Variants in ASPSCR1 observed in about 807,000 individuals in gnomAD.
ASPSCR1 encodes ASPSCR1 tether for SLC2A4, UBX domain containing, also known as tether containing UBX domain for GLUT4.
In ASPSCR1, 55 loss-of-function variants were observed where a neutral mutation model predicts 68.9. The observed-to-expected ratio is 0.80, with a 90% CI of 0.64 to 1.00. The LOEUF (loss-of-function observed/expected upper bound fraction) is 1.00, where lower values mean the gene tolerates loss of function less well. ASPSCR1 is among the 50% of genes least tolerant of loss of function. The pLI is 0.00. For missense variants in ASPSCR1, 765 were observed against 762.2 expected, an observed-to-expected ratio of 1.00 and a Z score of -0.04; for synonymous variants, 352 against 332.6, an observed-to-expected ratio of 1.06 and a Z score of -0.63.
At chr17:82,011,423 G>A (rs2042937315) in intron 10 of ASPSCR1, 120 bp from the exon 11 acceptor site, 9 of 966,638 alleles carry the variant, frequency 9.3e-6, no homozygotes, top group South Asian at 8.3e-5. Flanking sequence ...GAGGAACAGG[G>A]CTGAATTCCC....
chr17:81,985,327 A>C (rs1157564701), intron 3 of ASPSCR1, among the ~76,000 whole-genome samples, 180 bp from the exon 4 acceptor site: 1 of 152,138 alleles, frequency 6.6e-6, no homozygotes, highest in African/African-American at 2.4e-5. Flanking sequence ...CCTGCCGGGG[A>C]GCCTCCAAGG....
chr17:81,993,721 C>T lies in ASPSCR1; in HGVS notation c.375-1100C>T, dbSNP rs74402017. Among the ~76,000 whole-genome samples the T allele has an allele frequency of 8.0e-4, 122 of 152,394 alleles. 1 individual carries two copies. The East Asian group carries it at 0.017, about 21-fold the overall frequency. On this transcript the variant is annotated intron_variant, in intron 4 of 15. Coordinates refer to ENST00000306739, the MANE Select transcript of ASPSCR1 (RefSeq NM_024083.4). ...GCCCTCTGACCCTCCCAGTACCCCC[C>T]ATCCCGGAGGGTTGCTGCAAGCAGT...
In ASPSCR1 at chr17:81,983,107, A is replaced by G. The variant is rs573809119; in HGVS notation, c.159-447A>G. ...TGATCCGCCTGCCTCGGCCTCCGAA[A>G]GTGCTGGGATTACAGGCGTGAGCCA... is the stretch of plus-strand genomic sequence containing the variant. On this transcript the variant is annotated intron_variant, in intron 2 of 15. Transcript: ENST00000306739. This position sits in a 1 kb window ranked among gnomAD's most constrained non-coding sequence, Gnocchi z 4.4. Among the ~76,000 whole-genome samples, 3 of 152,342 alleles carry G rather than the reference A, an allele frequency of 2.0e-5. No individual in the cohort carries two copies. The East Asian group carries it at 5.8e-4, about 29-fold the overall frequency.
chr17:82,006,236 G>A (rs1385046787), intron 7 of ASPSCR1: 1 of 151,148 alleles, frequency 6.6e-6, no homozygotes, highest in Non-Finnish European at 1.5e-5. Flanking sequence ...GTGTGTCCTT[G>A]CGGGTGCATG....
chr17:81,980,055 T>A (rs2041748765), intron 2 of ASPSCR1, among the ~76,000 whole-genome samples: 1 of 152,238 alleles, frequency 6.6e-6, no homozygotes, highest in South Asian at 2.1e-4. Context: ...CGGTCTTGGC[T>A]CACTGCAACC....
At position 81,983,473 on chromosome 17, in the gene ASPSCR1, T is replaced by C. The variant is rs879048795; in HGVS notation, c.159-81T>C. 17 of 1,021,998 alleles carry C rather than the reference T, an allele frequency of 1.7e-5. No individual in the cohort carries two copies. In the African/African-American group the frequency reaches 2.4e-4, roughly 14 times the overall value. 63.3% of individuals were successfully genotyped at this position (1,021,998 alleles called of 1,614,324 possible). ...GGCGTGGATGGCGGGGCGTGGATGG[T>C]GGGACGGGGATGGCGGGGCGTGGAT... On this transcript the variant is annotated intron_variant, in intron 2 of 15. Transcript: ENST00000306739. This position sits in a 1 kb window ranked among gnomAD's most constrained non-coding sequence, Gnocchi z 4.4.
At chr17:82,017,160 C>T (rs764170532) in intron 15 of ASPSCR1, 47 bp downstream of exon 15, 14 of 1,536,656 alleles carry the variant, frequency 9.1e-6, no homozygotes, top group South Asian at 2.3e-5. Flanking sequence ...GGGTGGAGGG[C>T]GGGGGTCCGG....
At chr17:82,011,728 C>G in intron 11 of ASPSCR1, 123 bp downstream of exon 11, 1 of 1,087,188 alleles carries the variant, frequency 9.2e-7, no homozygotes, top group Non-Finnish European at 1.3e-6. Flanking sequence ...TCTGTGGCCT[C>G]CCGCCCAGGT....
intron 12 of ASPSCR1, chr17:82,014,088 C>T (rs994405706): frequency 3.9e-5 from 6 of 152,244 alleles, no homozygotes; most frequent in South Asian, 2.1e-4. Context: ...CTCTGGGGAC[C>T]GTCTGCCAGG....
Position 81,977,656 on chromosome 17 carries a change from CCG to C in ASPSCR1, c.11_12del (p.Pro4ArgfsTer45). 7.2e-7 allele frequency: 1 copy of C among 1,397,772 alleles called. No homozygotes were observed. Among genetic ancestry groups the C allele is most frequent in the Non-Finnish European group, 9.3e-7 (1 of 1,072,906 alleles). 86.6% of individuals were successfully genotyped at this position (1,397,772 alleles called of 1,614,324 possible). A position where few individuals can be genotyped will look rare whatever the true frequency, so the allele number is the denominator to read the frequency against. ...GTCACGTGAGCGGAAAATGGCGGCC[CCG>C]GCAGGCGGCGGAGGCTCCGCGGTGT... is the stretch of plus-strand genomic sequence containing the variant. The part of the protein sequence containing the change: MAA[P>X]AGGGGSAVSV... On this transcript the variant is annotated frameshift_variant, in exon 1 of 16. Transcript: ENST00000306739. LOFTEE classifies it high-confidence loss of function. The surrounding 1 kb of genome is among the most constrained non-coding windows in gnomAD (Gnocchi z 5.0).
rs1287770361 is a variant in ASPSCR1, at chr17:81,987,923, G to A, written c.374+2316G>A. On this transcript the variant is annotated intron_variant, in intron 4 of 15. Coordinates refer to ENST00000306739, the MANE Select transcript of ASPSCR1 (RefSeq NM_024083.4). The surrounding 1 kb of genome is among the most constrained non-coding windows in gnomAD (Gnocchi z 5.6). ...ACCTGTAATCGCAGCACTTTGGGAG[G>A]CTGAGGCGGGTGGATCACGAGGTCA... 6.6e-6 allele frequency among the ~76,000 whole-genome samples: 1 copy of A among 152,158 alleles called. No homozygotes were observed. Among genetic ancestry groups the A allele is most frequent in the East Asian group, 1.9e-4 (1 of 5,196 alleles).
At chr17:81,982,351 G>A (rs994271903) in intron 2 of ASPSCR1, among the ~76,000 whole-genome samples, 5 of 152,234 alleles carry the variant, frequency 3.3e-5, no homozygotes, top group African/African-American at 1.2e-4. Flanking sequence ...TTTGAGGCAG[G>A]TCCTGCAATA....
intron 8 of ASPSCR1, 65 bp from the exon 9 acceptor site, chr17:82,009,421 C>T: frequency 6.7e-7 from 1 of 1,486,954 alleles, no homozygotes; most frequent in East Asian, 2.5e-5. Context: ...GGTGAGGAGC[C>T]CGGGGCCTGT....
At chr17:82,015,067 C>G in intron 12 of ASPSCR1, 1 of 1,595,142 alleles carries the variant, frequency 6.3e-7, no homozygotes, top group Non-Finnish European at 8.5e-7. Context: ...CCCACTTTCC[C>G]TTTCCAGCCC....
In ASPSCR1 at chr17:82,012,211, T is replaced by TCC. The variant is rs768964601; in HGVS notation, c.1301-20_1301-19insCC. 20 of 1,612,362 alleles carry TCC rather than the reference T, an allele frequency of 1.2e-5. No homozygotes were observed. Among genetic ancestry groups the TCC allele is most frequent in the Non-Finnish European group, 1.6e-5 (19 of 1,178,836 alleles). On this transcript the variant is annotated intron_variant, in intron 11 of 15. Transcript: ENST00000306739. Reference sequence around the variant, plus strand: ...GAGGTCCACGGTGCTTCCTAACACGTAGGTGCCTTCTCTCCTCAGTCATCA... The same window carrying TCC: ...GAGGTCCACGGTGCTTCCTAACACGTCCAGGTGCCTTCTCTCCTCAGTCATCA...
intron 4 of ASPSCR1, among the ~76,000 whole-genome samples, chr17:81,991,817 C>G (rs1214330216): frequency 6.6e-6 from 1 of 152,250 alleles, no homozygotes; most frequent in Non-Finnish European, 1.5e-5. Flanking sequence ...TGCCTGGGCT[C>G]TCGTCAGCAC....
At chr17:81,992,875 C>T (rs760863993) in intron 4 of ASPSCR1, among the ~76,000 whole-genome samples, 2 of 152,202 alleles carry the variant, frequency 1.3e-5, no homozygotes, top group East Asian at 1.9e-4. Context: ...GTGTGTGGTG[C>T]GCACGTGCTC....
chr17:82,004,433 G>T (rs1485809305), intron 7 of ASPSCR1: 11 of 152,350 alleles, frequency 7.2e-5, no homozygotes, highest in Admixed American at 3.9e-4. Flanking sequence ...TCCACCGGGG[G>T]CCTGGGTTTG....
At position 81,996,690 on chromosome 17, in the gene ASPSCR1, G is replaced by A. The variant is rs771769700; in HGVS notation, c.777G>A (p.Thr259=). ...GACTGGGGGGCCCTCCTGGGCCCAC[G>A]AGGCCTCTGACATCATCTTCAGCTA... ...GQRLGGPPGP[T]RPLTSSSAKL... Residue 259 remains threonine (T), a synonymous_variant, in exon 7 of 16, where the codon ACG becomes ACA. Coordinates refer to ENST00000306739, the MANE Select transcript of ASPSCR1 (RefSeq NM_024083.4). The A allele has an allele frequency of 6.8e-6, 11 of 1,613,340 alleles. No homozygotes were observed. Among genetic ancestry groups the A allele is most frequent in the South Asian group, 4.4e-5 (4 of 91,084 alleles).
Sources: allele counts gnomAD v4.1 joint callset (sites outside exome capture counted in the v4.1 genomes callset), GRCh38; gene constraint gnomAD v4.1.1; non-coding constraint Gnocchi (gnomAD v3.1); transcripts MANE v1.5; gene names NCBI Gene and HGNC (gene_info 2026-07-23, HGNC 2026-07-21).